Variants in NUBP1 observed in about 807,000 individuals in gnomAD.
NUBP1 encodes cytosolic Fe-S cluster assembly factor NUBP1.
NUBP1 carries 46 observed loss-of-function variants against 41.8 expected under a neutral mutation model. That is an observed-to-expected ratio of 1.10 (90% CI 0.87 to 1.41). The LOEUF is 1.41. NUBP1 is among the 40% of genes most tolerant of loss of function. The pLI is 0.00. For missense variants in NUBP1, 494 were observed against 414.0 expected (o/e 1.19, Z -1.68); for synonymous variants, 189 against 154.6 (o/e 1.22, Z -1.65).
rs1165416300 is a variant in NUBP1, at chr16:10,767,345, GGAAAGA to G, written c.821-603_821-598del. 2.5e-6 allele frequency: 1 copy of G among 399,358 alleles called. No homozygotes were observed. The highest frequency in any genetic ancestry group is 2.1e-5 in the African/African-American group (1 of 48,648). The allele number at this position is 399,358 out of a possible 1,614,324, so 24.7% of individuals were successfully genotyped here. A position where few individuals can be genotyped will look rare whatever the true frequency, so the allele number is the denominator to read the frequency against. On this transcript the variant is annotated intron_variant, in intron 9 of 10. Transcript: ENST00000283027. This position sits in a 1 kb window ranked among gnomAD's most constrained non-coding sequence, Gnocchi z 4.6. The stretch of plus-strand genomic sequence containing the variant: ...GACTGGAACAATGGCCACATGGCGG[GGAAAGA>G]CTAGCAGACTGATAGACACCAGCAC...
Position 10,769,168 on chromosome 16 carries a change from GC to G in NUBP1, c.*65del. 1.3e-6 allele frequency: 2 copies of G among 1,512,156 alleles called. No homozygotes were observed. Among genetic ancestry groups the G allele is most frequent in the Non-Finnish European group, 1.8e-6 (2 of 1,088,910 alleles). 93.7% of individuals were successfully genotyped at this position (1,512,156 alleles called of 1,614,324 possible). A position where few individuals can be genotyped will look rare whatever the true frequency, so the allele number is the denominator to read the frequency against. ...AGGCACTCACTGGGCAGCACATCCAGCCAGACCCGACCAGCTCCGGGATGGG... is the reference window on the plus strand; with the variant it reads ...AGGCACTCACTGGGCAGCACATCCAGCAGACCCGACCAGCTCCGGGATGGG... On this transcript the variant is annotated 3_prime_UTR_variant, in exon 11 of 11. Transcript: ENST00000283027.
chr16:10,757,278 C>T lies in NUBP1; in HGVS notation c.451+498C>T, dbSNP rs137995503. ...CTGCACTCCAGCCTGTGTGACAGAG[C>T]GAGACTTTTTCTCAAAAAAAAAGCT... On this transcript the variant is annotated intron_variant, in intron 6 of 10. Transcript: ENST00000283027. The surrounding 1 kb of genome is among the most constrained non-coding windows in gnomAD (Gnocchi z 4.1). Among the ~76,000 whole-genome samples the T allele has an allele frequency of 3.3e-5, 5 of 151,956 alleles. No homozygotes were observed. Among genetic ancestry groups the T allele is most frequent in the South Asian group, 2.1e-4 (1 of 4,810 alleles).
chr16:10,744,827 G>T (rs1209678198), intron 2 of NUBP1, among the ~76,000 whole-genome samples: 1 of 150,852 alleles, frequency 6.6e-6, no homozygotes, highest in Non-Finnish European at 1.5e-5. Context: ...GTGTGATCTC[G>T]GCTCACTGCA....
intron 7 of NUBP1, among the ~76,000 whole-genome samples, chr16:10,758,877 T>C (rs903726965): frequency 3.3e-5 from 5 of 152,122 alleles, no homozygotes; most frequent in African/African-American, 1.2e-4. Flanking sequence ...CCAAGGCCCA[T>C]GGTGAGCCCG....
At position 10,767,831 on chromosome 16, in the gene NUBP1, C is replaced by T. The variant is rs1202950956; in HGVS notation, c.821-118C>T. 7.7e-6 allele frequency: 7 copies of T among 905,552 alleles called. No homozygotes were observed. The highest frequency in any genetic ancestry group is 2.9e-5 in the South Asian group (2 of 69,080). 56.1% of individuals were successfully genotyped at this position (905,552 alleles called of 1,614,324 possible). A position where few individuals can be genotyped will look rare whatever the true frequency, so the allele number is the denominator to read the frequency against. ...GTCTTTTCTACTTTGTTCTTCATTACGAGTGAAGCGGGCTCAAGATCTTCC... is the reference window on the plus strand; with the variant it reads ...GTCTTTTCTACTTTGTTCTTCATTATGAGTGAAGCGGGCTCAAGATCTTCC... On this transcript the variant is annotated intron_variant, in intron 9 of 10. Coordinates refer to ENST00000283027, the MANE Select transcript of NUBP1 (RefSeq NM_002484.4). The surrounding 1 kb of genome is among the most constrained non-coding windows in gnomAD (Gnocchi z 4.6).
rs1900103239 is a variant in NUBP1 at position 10,747,204 on chromosome 16, G to A, written c.186G>A (p.Gly62=). ...AACACAAAATCTTGGTATTGTCTGG[G>A]AAAGGCGGTGTTGGGAAAAGCACAT... ...TVKHKILVLS[G]KGGVGKSTFS... Residue 62 remains glycine (G), a synonymous_variant, in exon 3 of 11, where the codon GGG becomes GGA. Coordinates refer to ENST00000283027, the MANE Select transcript of NUBP1 (RefSeq NM_002484.4). 4.3e-6 allele frequency: 7 copies of A among 1,614,150 alleles called. No homozygotes were observed. The highest frequency in any genetic ancestry group is 5.9e-6 in the Non-Finnish European group (7 of 1,179,986).
Position 10,766,774 on chromosome 16 carries a change from A to C in NUBP1, c.821-1175A>C, listed in dbSNP as rs1383941430. 2.5e-6 allele frequency: 1 copy of C among 396,832 alleles called. No homozygotes were observed. Among genetic ancestry groups the C allele is most frequent in the Non-Finnish European group, 4.4e-6 (1 of 225,562 alleles). 24.6% of individuals were successfully genotyped at this position (396,832 alleles called of 1,614,324 possible). A position where few individuals can be genotyped will look rare whatever the true frequency, so the allele number is the denominator to read the frequency against. ...TAGGGGCTCAAAGGCCCCATTACAG[A>C]GTTTTTGTGTTTAAATACCCTCTAC... is the stretch of plus-strand genomic sequence containing the variant. On this transcript the variant is annotated intron_variant, in intron 9 of 10. Transcript: ENST00000283027. The surrounding 1 kb of genome is among the most constrained non-coding windows in gnomAD (Gnocchi z 4.8).
chr16:10,766,869 T>C lies in NUBP1; in HGVS notation c.821-1080T>C. ...AAAGTCATTTACGGCATACGTCCTATGGAGAGGACATTTCCTGTTATGGCT... is the reference window on the plus strand; with the variant it reads ...AAAGTCATTTACGGCATACGTCCTACGGAGAGGACATTTCCTGTTATGGCT... On this transcript the variant is annotated intron_variant, in intron 9 of 10. Coordinates refer to ENST00000283027, the MANE Select transcript of NUBP1 (RefSeq NM_002484.4). The surrounding 1 kb of genome is among the most constrained non-coding windows in gnomAD (Gnocchi z 4.8). 5.0e-6 allele frequency: 2 copies of C among 398,500 alleles called. No individual in the cohort carries two copies. Among genetic ancestry groups the C allele is most frequent in the Non-Finnish European group, 8.8e-6 (2 of 226,064 alleles). 24.7% of individuals were successfully genotyped at this position (398,500 alleles called of 1,614,324 possible).
At chr16:10,752,997 G>A (rs1403210456) in intron 4 of NUBP1, among the ~76,000 whole-genome samples, 2 of 152,102 alleles carry the variant, frequency 1.3e-5, no homozygotes, top group Non-Finnish European at 2.9e-5. Flanking sequence ...GTTTCACTAC[G>A]TTGGCCAAGC....
Position 10,757,318 on chromosome 16 carries a change from T to A in NUBP1, c.451+538T>A, listed in dbSNP as rs569451093. 2.8e-4 allele frequency among the ~76,000 whole-genome samples: 42 copies of A among 152,226 alleles called. No homozygotes were observed. The highest frequency in any genetic ancestry group is 8.2e-4 in the African/African-American group (34 of 41,526). On this transcript the variant is annotated intron_variant, in intron 6 of 10. Transcript: ENST00000283027. This position sits in a 1 kb window ranked among gnomAD's most constrained non-coding sequence, Gnocchi z 4.1. ...AAAAAAAAGCTATAGAACCCTGAAATTATTTTTATCATGGTTTTATAGTGG... is the reference window on the plus strand; with the variant it reads ...AAAAAAAAGCTATAGAACCCTGAAAATATTTTTATCATGGTTTTATAGTGG...
intron 5 of NUBP1, among the ~76,000 whole-genome samples, chr16:10,756,037 T>A (rs929569029): frequency 3.9e-5 from 6 of 152,198 alleles, no homozygotes; most frequent in African/African-American, 1.4e-4. Flanking sequence ...ACACAGATGG[T>A]GGGCCAGATT....
At chr16:10,756,128 C>T (rs1900537599) in intron 5 of NUBP1, among the ~76,000 whole-genome samples, 1 of 152,152 alleles carries the variant, frequency 6.6e-6, no homozygotes, top group Admixed American at 6.5e-5. Flanking sequence ...CCTGTGATCC[C>T]AGCACTTTAG....
intron 2 of NUBP1, among the ~76,000 whole-genome samples, chr16:10,744,627 G>A (rs1397717135): frequency 6.6e-6 from 1 of 152,222 alleles, no homozygotes; most frequent in Non-Finnish European, 1.5e-5. Context: ...AAACAAACAC[G>A]TGAGCTAGCA....
At chr16:10,758,867 C>T (rs1348930310) in intron 7 of NUBP1, among the ~76,000 whole-genome samples, 1 of 152,178 alleles carries the variant, frequency 6.6e-6, no homozygotes, top group Non-Finnish European at 1.5e-5. Context: ...TGGCTGTACT[C>T]CAAGGCCCAT....
chr16:10,768,820 C>T lies in NUBP1; in HGVS notation c.905-227C>T, dbSNP rs1224229629. On this transcript the variant is annotated intron_variant, in intron 10 of 10. Coordinates refer to ENST00000283027, the MANE Select transcript of NUBP1 (RefSeq NM_002484.4). The surrounding 1 kb of genome is among the most constrained non-coding windows in gnomAD (Gnocchi z 4.3). ...AAACAGCATTCCCAGAATCCTCCAT[C>T]TATAGATGGTCCGAGGAAGGCCGCA... is the stretch of plus-strand genomic sequence containing the variant. The T allele has an allele frequency of 4.2e-6, 2 of 477,394 alleles. No homozygotes were observed. The highest frequency in any genetic ancestry group is 7.4e-6 in the Non-Finnish European group (2 of 269,962). The allele number at this position is 477,394 out of a possible 1,614,324, so 29.6% of individuals were successfully genotyped here.
chr16:10,750,189 C>T (rs375312595), intron 3 of NUBP1, among the ~76,000 whole-genome samples: 2 of 152,168 alleles, frequency 1.3e-5, no homozygotes, highest in African/African-American at 4.8e-5. Context: ...CAGAGTGAGA[C>T]TCTACCTCAA....
intron 3 of NUBP1, among the ~76,000 whole-genome samples, chr16:10,750,014 C>T (rs931064728): frequency 1.3e-5 from 2 of 152,150 alleles, no homozygotes; most frequent in African/African-American, 4.8e-5. Flanking sequence ...CAAAGTGAGA[C>T]CCCTGTCTCT....
At chr16:10,762,872 G>C (rs962351619) in intron 9 of NUBP1, among the ~76,000 whole-genome samples, 2 of 152,194 alleles carry the variant, frequency 1.3e-5, no homozygotes, top group East Asian at 1.9e-4. Context: ...GAGGCCACGT[G>C]GGGAGCCTTG....
chr16:10,757,847 C>T lies in NUBP1; in HGVS notation c.452-26C>T, dbSNP rs748680341. The T allele has an allele frequency of 6.2e-7, 1 of 1,601,662 alleles. No homozygotes were observed. Among genetic ancestry groups the T allele is most frequent in the East Asian group, 2.2e-5 (1 of 44,574 alleles). On this transcript the variant is annotated intron_variant, in intron 6 of 10. Coordinates refer to ENST00000283027, the MANE Select transcript of NUBP1 (RefSeq NM_002484.4). The surrounding 1 kb of genome is among the most constrained non-coding windows in gnomAD (Gnocchi z 4.1). ...GTACAGAAAAGAAAGGAAAAGTAAG[C>T]ATCCCCTGTGGATTCCTCTTTCTAG...
Sources: allele counts gnomAD v4.1 joint callset (sites outside exome capture counted in the v4.1 genomes callset), GRCh38; gene constraint gnomAD v4.1.1; non-coding constraint Gnocchi (gnomAD v3.1); transcripts MANE v1.5; gene names NCBI Gene and HGNC (gene_info 2026-07-23, HGNC 2026-07-21).